OR3A2: variants seen among roughly 807,000 people sequenced by gnomAD.
The protein encoded by OR3A2 is olfactory receptor 3A2.
For synonymous variants in OR3A2, 126 were observed against 159.3 expected, an observed-to-expected ratio of 0.79 and a Z score of 1.57; for missense variants, 318 against 392.8, an observed-to-expected ratio of 0.81 and a Z score of 1.61.
At chr17:3,331,915 GTTAGTTT>G (rs1672672330) in intron 3 of OR3A2, among the ~76,000 whole-genome samples, 1 of 151,238 alleles carries the variant, frequency 6.6e-6, no homozygotes, top group Non-Finnish European at 1.5e-5. Flanking sequence ...CTTTCTGTTT[GTTAGTTT>G]TCCTTCTAAC....
At chr17:3,350,815 C>G (rs1490723653) in intron 2 of OR3A2, among the ~76,000 whole-genome samples, 4 of 147,784 alleles carry the variant, frequency 2.7e-5, no homozygotes, top group African/African-American at 1.0e-4. Context: ...TCCAGCAGCA[C>G]ATCAAAAAGC....
intron 2 of OR3A2, among the ~76,000 whole-genome samples, chr17:3,372,298 G>A (rs1415771097): frequency 6.7e-6 from 1 of 148,652 alleles, no homozygotes; most frequent in East Asian, 2.1e-4. Flanking sequence ...TCACTTCCTA[G>A]ATGGGATGGC....
At chr17:3,372,901 G>GGGAGAA (rs1567571771) in intron 2 of OR3A2, among the ~76,000 whole-genome samples, 2 of 124,270 alleles carry the variant, frequency 1.6e-5, no homozygotes, top group Non-Finnish European at 3.3e-5. Flanking sequence ...GAGAGGGAGA[G>GGGAGAA]GGAGAGGGCT....
At chr17:3,355,771 C>A (rs2049461768) in intron 2 of OR3A2, among the ~76,000 whole-genome samples, 1 of 151,384 alleles carries the variant, frequency 6.6e-6, no homozygotes. Context: ...ATCCACTCAG[C>A]CACTCTGTCT....
At chr17:3,340,629 G>GAGAC (rs547343368) in intron 2 of OR3A2, among the ~76,000 whole-genome samples, 85,559 of 151,450 alleles carry the variant, frequency 0.56, 24,696 homozygotes, top group Admixed American at 0.68. Flanking sequence ...TGTGGTCAGA[G>GAGAC]AGTTTGTTGT....
intron 3 of OR3A2, among the ~76,000 whole-genome samples, chr17:3,331,313 C>G (rs1362051023): frequency 1.3e-5 from 2 of 152,092 alleles, no homozygotes; most frequent in Non-Finnish European, 2.9e-5. Context: ...AGAGTGTTTT[C>G]CAACTTGGTT....
At chr17:3,283,415 G>C (rs2048789225) in intron 1 of OR3A2, among the ~76,000 whole-genome samples, 1 of 152,154 alleles carries the variant, frequency 6.6e-6, no homozygotes, top group Non-Finnish European at 1.5e-5. Flanking sequence ...AGTAGAGACA[G>C]GGTTTCTCCA....
chr17:3,324,677 T>C (rs552421175), intron 3 of OR3A2, among the ~76,000 whole-genome samples: 7 of 152,142 alleles, frequency 4.6e-5, no homozygotes, highest in South Asian at 2.1e-4. Flanking sequence ...AACAGCAGAT[T>C]TGGTGAACCG....
chr17:3,365,593 T>C (rs556537278), intron 2 of OR3A2, among the ~76,000 whole-genome samples: 4 of 152,178 alleles, frequency 2.6e-5, no homozygotes, highest in Non-Finnish European at 5.9e-5. Flanking sequence ...CAGTGATCTA[T>C]ACCCACATGT....
chr17:3,386,189 A>C (rs1597368589), exon 1 of OR3A2: 1 of 397,984 alleles, frequency 2.5e-6, no homozygotes, highest in African/African-American at 2.1e-5. Context: ...GGCCTGCTCC[A>C]CCCGGGCCAG....
In OR3A2 at chr17:3,329,220, C is replaced by T. The variant is rs563161710; in HGVS notation, c.-85+6813G>A. Among the ~76,000 whole-genome samples, 4 of 151,732 alleles carry T rather than the reference C, an allele frequency of 2.6e-5. No homozygotes were observed. In the East Asian group the frequency reaches 7.7e-4, roughly 29 times the overall value. On this transcript the variant is annotated intron_variant, in intron 3 of 4. Coordinates refer to the OR3A2 transcript ENST00000573491. ...GGCTTTGGTATCAGAATGATGCTGG[C>T]CTCATAAAATGAGTTAGGGAGGATT...
intron 3 of OR3A2, among the ~76,000 whole-genome samples, chr17:3,298,518 C>T (rs1031770556): frequency 2.6e-5 from 4 of 152,130 alleles, no homozygotes; most frequent in Non-Finnish European, 4.4e-5. Context: ...AGAAAGCAGG[C>T]CTCATCTAGG....
intron 3 of OR3A2, among the ~76,000 whole-genome samples, chr17:3,298,853 C>T (rs370015626): frequency 6.6e-6 from 1 of 152,296 alleles, no homozygotes; most frequent in East Asian, 1.9e-4. Flanking sequence ...GAAATGAGAT[C>T]ATCCAGTCAT....
chr17:3,334,454 T>C (rs2049263532), intron 3 of OR3A2, among the ~76,000 whole-genome samples: 1 of 152,296 alleles, frequency 6.6e-6, no homozygotes, highest in African/African-American at 2.4e-5. Flanking sequence ...AGTTCCATCA[T>C]GTTGCTGCAA....
intron 2 of OR3A2, among the ~76,000 whole-genome samples, chr17:3,343,932 T>C (rs2049341996): frequency 6.6e-6 from 1 of 152,342 alleles, no homozygotes; most frequent in South Asian, 2.1e-4. Flanking sequence ...CCCATCACCA[T>C]GGACAACCTA....
At chr17:3,303,669 C>A (rs113963929) in intron 3 of OR3A2, among the ~76,000 whole-genome samples, 1 of 149,854 alleles carries the variant, frequency 6.7e-6, no homozygotes, top group African/African-American at 2.4e-5. Context: ...CGCTTGAACA[C>A]GGAAGGCAGA....
intron 3 of OR3A2, among the ~76,000 whole-genome samples, chr17:3,302,682 C>T (rs540385493): frequency 2.0e-5 from 3 of 152,320 alleles, no homozygotes; most frequent in Non-Finnish European, 2.9e-5. Flanking sequence ...AATTCTTGCA[C>T]ATGTACAATC....
chr17:3,292,563 G>C lies in OR3A2; in HGVS notation c.-84-13410C>G, dbSNP rs773952031. ...GAACTCAGCAATGACTGTTCCATTG[G>C]CCCCAGATTCTGGCTGCATGAGTTC... On this transcript the variant is annotated intron_variant, in intron 3 of 4. Coordinates refer to the OR3A2 transcript ENST00000573491. 7 of 1,608,966 alleles carry C rather than the reference G, an allele frequency of 4.4e-6. No individual in the cohort carries two copies. Among genetic ancestry groups the C allele is most frequent in the Admixed American group, 1.7e-5 (1 of 59,504 alleles).
intron 2 of OR3A2, among the ~76,000 whole-genome samples, chr17:3,362,224 C>G (rs1182025084): frequency 6.6e-6 from 1 of 151,798 alleles, no homozygotes; most frequent in African/African-American, 2.4e-5. Context: ...ATAGTATTCT[C>G]TGACAGTAGT....
Sources: gnomAD v4.1 joint callset for allele counts (sites outside exome capture counted in the v4.1 genomes callset) on GRCh38, gnomAD v4.1.1 for gene constraint, MANE v1.5 for transcripts, NCBI Gene and HGNC (gene_info 2026-07-23, HGNC 2026-07-21) for gene names.